PTPRK: variants seen among roughly 807,000 people sequenced by gnomAD.
PTPRK encodes receptor-type tyrosine-protein phosphatase kappa.
Under a neutral mutation model 178.0 loss-of-function variants are expected in PTPRK, and 75 were observed. That is an observed-to-expected ratio of 0.42 (90% CI 0.35 to 0.51). The LOEUF (loss-of-function observed/expected upper bound fraction) is 0.51. PTPRK is among the 20% of genes least tolerant of loss of function. The probability of loss-of-function intolerance (pLI) is 0.02; values close to 1 mark genes in which losing one functional copy is unlikely to be tolerated. For missense variants in PTPRK, 1,441 were observed against 1,797.8 expected (o/e 0.80, Z 3.59); for synonymous variants, 637 against 620.6 (o/e 1.03, Z -0.39).
chr6:128,050,986 C>T (rs1778904739), intron 13 of PTPRK, among the ~76,000 whole-genome samples: 1 of 152,164 alleles, frequency 6.6e-6, no homozygotes, highest in Admixed American at 6.5e-5. Flanking sequence ...ATTTCCTGGT[C>T]TCTTGTTCCA....
chr6:128,446,828 A>G (rs1847094203), intron 1 of PTPRK, among the ~76,000 whole-genome samples: 1 of 152,208 alleles, frequency 6.6e-6, no homozygotes, highest in African/African-American at 2.4e-5. Context: ...AAAAATGCTC[A>G]AAACAGCTTT....
At chr6:128,480,211 C>T (rs1266430753) in intron 1 of PTPRK, among the ~76,000 whole-genome samples, 1 of 152,130 alleles carries the variant, frequency 6.6e-6, no homozygotes, top group African/African-American at 2.4e-5. Context: ...GAGCCATCAC[C>T]AGGCTTGACC....
intron 6 of PTPRK, among the ~76,000 whole-genome samples, chr6:128,203,578 A>AATT (rs1806353840): frequency 2.0e-5 from 3 of 152,192 alleles, no homozygotes; most frequent in African/African-American, 7.2e-5. Context: ...ACTTCAGCAA[A>AATT]GTCTCAGGAT....
chr6:128,363,524 T>C (rs1449477195), intron 2 of PTPRK, among the ~76,000 whole-genome samples: 1 of 152,202 alleles, frequency 6.6e-6, no homozygotes, highest in African/African-American at 2.4e-5. Context: ...GTCATATCAA[T>C]GGTCTGTTCT....
intron 3 of PTPRK, among the ~76,000 whole-genome samples, chr6:128,260,733 C>T (rs768066846): frequency 4.6e-5 from 7 of 152,108 alleles, no homozygotes; most frequent in Admixed American, 6.6e-5. Flanking sequence ...CTTAGTTCTC[C>T]GTTCAACTCC....
At chr6:128,192,656 C>CA (rs1562762719) in intron 6 of PTPRK, among the ~76,000 whole-genome samples, 3 of 151,854 alleles carry the variant, frequency 2.0e-5, no homozygotes, top group Non-Finnish European at 4.4e-5. Context: ...CCCATCTCCA[C>CA]AAAAAATACA....
intron 7 of PTPRK, among the ~76,000 whole-genome samples, chr6:128,152,234 T>A (rs975871982): frequency 3.9e-5 from 6 of 151,946 alleles, no homozygotes; most frequent in African/African-American, 1.4e-4. Flanking sequence ...GTTAAGAGAA[T>A]GGTTAGATGT....
intron 25 of PTPRK, among the ~76,000 whole-genome samples, chr6:127,979,635 C>A (rs181263674): frequency 6.6e-6 from 1 of 152,296 alleles, no homozygotes; most frequent in East Asian, 1.9e-4. Context: ...GGACGAGAGC[C>A]TGCCTTTAGA....
At chr6:128,082,738 G>C in intron 9 of PTPRK, 100 bp from the exon 10 acceptor site, 1 of 805,884 alleles carries the variant, frequency 1.2e-6, no homozygotes, top group East Asian at 2.9e-5. Context: ...CATCCATGTG[G>C]AGTCAATGGT....
chr6:128,294,992 T>C (rs1824053450), intron 3 of PTPRK, among the ~76,000 whole-genome samples: 6 of 152,178 alleles, frequency 3.9e-5, no homozygotes, highest in African/African-American at 9.6e-5. Context: ...GAAACAGATA[T>C]GTTTATCTGT....
At chr6:128,508,699 T>C (rs1856722937) in intron 1 of PTPRK, among the ~76,000 whole-genome samples, 1 of 152,060 alleles carries the variant, frequency 6.6e-6, no homozygotes, top group East Asian at 1.9e-4. Context: ...AATCCCGCAC[T>C]TTGGGAGGCT....
chr6:128,257,850 T>C (rs1376108548), intron 3 of PTPRK, among the ~76,000 whole-genome samples: 3 of 152,130 alleles, frequency 2.0e-5, no homozygotes, highest in African/African-American at 7.2e-5. Context: ...GTGATGGAAA[T>C]TCATTTTTAA....
chr6:128,428,687 T>A (rs1844467613), intron 1 of PTPRK, among the ~76,000 whole-genome samples: 1 of 152,222 alleles, frequency 6.6e-6, no homozygotes, highest in South Asian at 2.1e-4. Context: ...AGAATGAATT[T>A]CAATGACCTA....
intron 2 of PTPRK, among the ~76,000 whole-genome samples, chr6:128,370,467 G>A (rs1310250071): frequency 6.6e-6 from 1 of 151,898 alleles, no homozygotes; most frequent in Non-Finnish European, 1.5e-5. Flanking sequence ...GGCCTTTAGG[G>A]TCTCAAATAT....
chr6:128,396,600 T>C (rs577063224), intron 2 of PTPRK, among the ~76,000 whole-genome samples: 295 of 152,252 alleles, frequency 1.9e-3, no homozygotes, highest in South Asian at 5.0e-3. Context: ...CATCCTATGT[T>C]AATGTGTTTT....
chr6:128,314,431 A>C (rs749692921), intron 3 of PTPRK, among the ~76,000 whole-genome samples: 4 of 152,230 alleles, frequency 2.6e-5, no homozygotes, highest in Admixed American at 6.5e-5. Flanking sequence ...TCAGTACAGC[A>C]GTCCTTCAGA....
chr6:128,517,259 T>A (rs1858209141), intron 1 of PTPRK, among the ~76,000 whole-genome samples: 1 of 152,106 alleles, frequency 6.6e-6, no homozygotes, highest in Non-Finnish European at 1.5e-5. Flanking sequence ...ATAAATTACT[T>A]CATTTAATCA....
At chr6:128,307,895 C>CAACTT (rs144418191) in intron 3 of PTPRK, among the ~76,000 whole-genome samples, 13,681 of 152,086 alleles carry the variant, frequency 0.09, 746 homozygotes, top group African/African-American at 0.15. Context: ...AGCTTAGAGT[C>CAACTT]AACAAGTTGA....
intron 13 of PTPRK, among the ~76,000 whole-genome samples, chr6:128,038,333 T>C (rs1481375375): frequency 6.6e-6 from 1 of 152,216 alleles, no homozygotes; most frequent in East Asian, 1.9e-4. Flanking sequence ...TTAACATTTT[T>C]TAAAAAAATT....
Sources: gnomAD v4.1 joint callset for allele counts (sites outside exome capture counted in the v4.1 genomes callset) on GRCh38, gnomAD v4.1.1 for gene constraint, MANE v1.5 for transcripts, NCBI Gene and HGNC (gene_info 2026-07-23, HGNC 2026-07-21) for gene names.